RBFOX1: variants seen among roughly 807,000 people sequenced by gnomAD.
RBFOX1 encodes the protein RNA binding fox-1 homolog 1.
RBFOX1 carries 8 observed loss-of-function variants against 57.7 expected under a neutral mutation model. That is an observed-to-expected ratio of 0.14 (90% CI 0.08 to 0.25). The LOEUF is 0.25. RBFOX1 is among the 10% of genes least tolerant of loss of function. RBFOX1 has a pLI of 1.00. For synonymous variants in RBFOX1, 326 were observed against 222.4 expected (o/e 1.47, Z -4.15); for missense variants, 611 against 548.5 (o/e 1.11, Z -1.14).
At chr16:5,312,799 A>G (rs1314459023) in intron 1 of RBFOX1, among the ~76,000 whole-genome samples, 2 of 152,170 alleles carry the variant, frequency 1.3e-5, no homozygotes, top group African/African-American at 4.8e-5. Context: ...ACCTGTGTGA[A>G]GCTTCGTAAG....
chr16:7,253,149 G>A (rs1015939325), intron 4 of RBFOX1, among the ~76,000 whole-genome samples: 2 of 152,134 alleles, frequency 1.3e-5, no homozygotes, highest in Non-Finnish European at 2.9e-5. Flanking sequence ...GGCTCCGCTG[G>A]ATAAAATCTC....
intron 3 of RBFOX1, among the ~76,000 whole-genome samples, chr16:6,710,685 T>TCGGA (rs2063557327): frequency 6.6e-6 from 1 of 152,202 alleles, no homozygotes; most frequent in Admixed American, 6.5e-5. Context: ...CTGCTGCAGT[T>TCGGA]TGGAAATTCC....
At position 7,197,986 on chromosome 16, in the gene RBFOX1, T is replaced by TTTTC. The variant is rs1208024501; in HGVS notation, c.27+145900_27+145903dup. 1.2e-3 allele frequency among the ~76,000 whole-genome samples: 142 copies of TTTTC among 120,342 alleles called. 2 individuals are homozygous for TTTTC. The highest frequency in any genetic ancestry group is 4.1e-3 in the African/African-American group (127 of 30,804). The allele number at this position is 120,342 out of a possible 152,430, so 78.9% of individuals were successfully genotyped here. A position where few individuals can be genotyped will look rare whatever the true frequency, so the allele number is the denominator to read the frequency against. ...GTTCCACTCAGCTCATACCTTGTGG[T>TTTTC]TTTCTTTCTTTCTTTTTTTTTTTTT... On this transcript the variant is annotated intron_variant, in intron 4 of 15. Coordinates refer to ENST00000550418, the MANE Select transcript of RBFOX1 (RefSeq NM_018723.4).
At chr16:6,850,662 C>A (rs192987056) in intron 3 of RBFOX1, among the ~76,000 whole-genome samples, 125 of 152,262 alleles carry the variant, frequency 8.2e-4, no homozygotes, top group Admixed American at 1.6e-3. Flanking sequence ...TACCTTCTTT[C>A]ATTTTAACTT....
At chr16:5,699,370 CTTT>C (rs35259674) in intron 3 of RBFOX1, among the ~76,000 whole-genome samples, 66 of 138,894 alleles carry the variant, frequency 4.8e-4, no homozygotes, top group Non-Finnish European at 5.1e-4. Flanking sequence ...CTTAATTTTC[CTTT>C]TTTTTTTTTT....
At chr16:7,196,516 G>A (rs1027856205) in intron 4 of RBFOX1, among the ~76,000 whole-genome samples, 1 of 152,224 alleles carries the variant, frequency 6.6e-6, no homozygotes, top group Non-Finnish European at 1.5e-5. Flanking sequence ...ACAATGTGCA[G>A]GTTAGTGCAA....
Position 5,910,746 on chromosome 16 carries a change from C to G in RBFOX1, c.351+43411C>G, listed in dbSNP as rs893447928. ...CAACCGAACTTCAAGCTGTCAGAAT[C>G]TGCATCTCTGCCTGAAAACTTTGTT... On this transcript the variant is annotated intron_variant, in intron 4 of 19. Transcript: ENST00000641259. Among the ~76,000 whole-genome samples, 8 of 152,326 alleles carry G rather than the reference C, an allele frequency of 5.3e-5. No individual in the cohort carries two copies. In the South Asian group the frequency reaches 1.7e-3, roughly 32 times the overall value.
chr16:7,709,041 C>T lies in RBFOX1; in HGVS notation c.996-15C>T. 6.2e-7 allele frequency: 1 copy of T among 1,605,384 alleles called. No homozygotes were observed. Among genetic ancestry groups the T allele is most frequent in the East Asian group, 2.2e-5 (1 of 44,806 alleles). ...GCATACTGTGGATCAATCTTCACCT[C>T]TATTTTCCTTTCAGTTACGGACGAG... On this transcript the variant is annotated splice_polypyrimidine_tract_variant and intron_variant, in intron 14 of 15. Coordinates refer to ENST00000550418, the MANE Select transcript of RBFOX1 (RefSeq NM_018723.4).
intron 3 of RBFOX1, among the ~76,000 whole-genome samples, chr16:6,958,726 C>T (rs1249560944): frequency 3.9e-5 from 6 of 152,008 alleles, no homozygotes; most frequent in African/African-American, 4.8e-5. Flanking sequence ...AGTTTTATGC[C>T]GCTTCAGAAA....
intron 1 of RBFOX1, among the ~76,000 whole-genome samples, chr16:6,199,984 G>A (rs2097204832): frequency 6.6e-6 from 1 of 152,162 alleles, no homozygotes; most frequent in African/African-American, 2.4e-5. Context: ...CAAGGTTTTT[G>A]ACCTTGGACA....
intron 3 of RBFOX1, among the ~76,000 whole-genome samples, chr16:5,682,669 G>C (rs187706243): frequency 4.2e-4 from 64 of 152,300 alleles, no homozygotes; most frequent in Admixed American, 1.0e-3. Flanking sequence ...TCAAAGCTGA[G>C]AACAGGAAAA....
intron 3 of RBFOX1, among the ~76,000 whole-genome samples, chr16:6,763,173 C>T (rs1011349970): frequency 6.6e-6 from 1 of 152,194 alleles, no homozygotes; most frequent in African/African-American, 2.4e-5. Flanking sequence ...TCTTTGCTAA[C>T]CTAATGCCTT....
At chr16:6,011,322 C>T (rs2094959917) in intron 4 of RBFOX1, among the ~76,000 whole-genome samples, 1 of 151,858 alleles carries the variant, frequency 6.6e-6, no homozygotes, top group Non-Finnish European at 1.5e-5. Context: ...TTAAAACAGC[C>T]TTTGTTTTTA....
At chr16:7,320,170 C>T (rs575901560) in intron 4 of RBFOX1, among the ~76,000 whole-genome samples, 1 of 152,106 alleles carries the variant, frequency 6.6e-6, no homozygotes, top group Non-Finnish European at 1.5e-5. Flanking sequence ...CACCCATCAA[C>T]CCATCAGCTA....
chr16:5,395,643 C>T (rs1324434041), intron 1 of RBFOX1, among the ~76,000 whole-genome samples: 1 of 152,242 alleles, frequency 6.6e-6, no homozygotes, highest in Admixed American at 6.5e-5. Context: ...GTGATCCCCT[C>T]CCGTTGCATG....
intron 2 of RBFOX1, among the ~76,000 whole-genome samples, chr16:6,637,219 A>G (rs1446865140): frequency 1.5e-5 from 1 of 65,598 alleles, no homozygotes; most frequent in Non-Finnish European, 2.6e-5. Context: ...TATATTATAT[A>G]ATATACAATA....
At chr16:6,018,820 A>G (rs186244800), upstream of RBFOX1, among the ~76,000 whole-genome samples, 100 of 152,232 alleles carry the variant, frequency 6.6e-4, no homozygotes, top group Middle Eastern at 6.8e-3. Context: ...GGGGACTACC[A>G]GGACGAGGAC....
At chr16:5,742,534 T>C (rs2052812695) in intron 3 of RBFOX1, among the ~76,000 whole-genome samples, 1 of 152,174 alleles carries the variant, frequency 6.6e-6, no homozygotes. Context: ...CGATCACTTC[T>C]CTTGCATCCT....
intron 4 of RBFOX1, among the ~76,000 whole-genome samples, chr16:7,095,960 C>G (rs1190500788): frequency 6.9e-6 from 1 of 144,396 alleles, no homozygotes; most frequent in African/African-American, 2.6e-5. Flanking sequence ...TTGCAGTGAG[C>G]TGAGATCGCA....
Sources: gnomAD v4.1 joint callset for allele counts (sites outside exome capture counted in the v4.1 genomes callset) on GRCh38, gnomAD v4.1.1 for gene constraint, MANE v1.5 for transcripts, NCBI Gene and HGNC (gene_info 2026-07-23, HGNC 2026-07-21) for gene names.